Variants in SUSD6 observed in about 807,000 individuals in gnomAD.
SUSD6 encodes the protein sushi domain-containing protein 6.
A neutral mutation model predicts 28.4 loss-of-function variants in SUSD6; 16 were observed. The ratio of observed to expected loss-of-function variants is 0.56; its 90% confidence interval spans 0.38 to 0.86. The LOEUF (loss-of-function observed/expected upper bound fraction) is 0.86, where lower values mean the gene tolerates loss of function less well. Ranked by LOEUF, SUSD6 falls within the 40% of genes least tolerant of loss-of-function variation. SUSD6 has a pLI of 0.00. For missense variants in SUSD6, 341 were observed against 384.2 expected, an observed-to-expected ratio of 0.89 and a Z score of 0.94; for synonymous variants, 147 against 159.6, an observed-to-expected ratio of 0.92 and a Z score of 0.59.
intron 1 of SUSD6, among the ~76,000 whole-genome samples, chr14:69,629,841 G>A (rs150650908): frequency 6.3e-4 from 96 of 152,316 alleles, no homozygotes; most frequent in African/African-American, 2.2e-3. Flanking sequence ...GAAAATGATG[G>A]AGGCAGGTCT....
intron 2 of SUSD6, among the ~76,000 whole-genome samples, chr14:69,673,816 C>T (rs1885868968): frequency 1.3e-5 from 2 of 152,206 alleles, no homozygotes; most frequent in South Asian, 4.1e-4. Context: ...GGCCCTAGCA[C>T]TGCCTCTAAT....
At chr14:69,624,379 C>CCTG (rs1173701660) in intron 1 of SUSD6, among the ~76,000 whole-genome samples, 1 of 152,062 alleles carries the variant, frequency 6.6e-6, no homozygotes, top group East Asian at 1.9e-4. Context: ...TCAGAGTGAC[C>CCTG]CTGCTTCAGT....
chr14:69,686,564 G>T (rs956500092), intron 2 of SUSD6, among the ~76,000 whole-genome samples: 3 of 152,222 alleles, frequency 2.0e-5, no homozygotes, highest in Admixed American at 6.5e-5. Context: ...AAAAGAAAGA[G>T]ATTTAATTGG....
intron 2 of SUSD6, among the ~76,000 whole-genome samples, chr14:69,699,111 C>A (rs1367436794): frequency 1.3e-5 from 2 of 152,198 alleles, no homozygotes; most frequent in East Asian, 3.8e-4. Flanking sequence ...TCTTCCCAGG[C>A]ATCACTGAGA....
chr14:69,661,015 C>CAGGA (rs1885653911), intron 2 of SUSD6, among the ~76,000 whole-genome samples: 2 of 152,158 alleles, frequency 1.3e-5, no homozygotes, highest in Admixed American at 6.5e-5. Flanking sequence ...ACTGTCAGAG[C>CAGGA]AGGAAGGAAG....
rs1161958495 is a variant in SUSD6 at position 69,713,845 on chromosome 14, T to TTG, written c.*2867_*2868insGT. 2 of 150,942 alleles carry TTG rather than the reference T, an allele frequency of 1.3e-5. No homozygotes were observed. 9.4% of individuals were successfully genotyped at this position (150,942 alleles called of 1,614,324 possible). A position where few individuals can be genotyped will look rare whatever the true frequency, so the allele number is the denominator to read the frequency against. ...TTTGTTGTTGGTGTTTGTTTTTTTT[T>TTG]TTTTTTTTTTGGCACACTTGAGCTG... On this transcript the variant is annotated 3_prime_UTR_variant, in exon 6 of 6. Coordinates refer to ENST00000342745, the MANE Select transcript of SUSD6 (RefSeq NM_014734.4).
chr14:69,693,426 G>C (rs1018726610), intron 2 of SUSD6, among the ~76,000 whole-genome samples: 5 of 152,162 alleles, frequency 3.3e-5, no homozygotes, highest in African/African-American at 1.2e-4. Context: ...GTCGAGAACG[G>C]GAAGTGAAAA....
chr14:69,676,896 C>T (rs956568009), intron 2 of SUSD6, among the ~76,000 whole-genome samples: 5 of 152,218 alleles, frequency 3.3e-5, no homozygotes, highest in African/African-American at 1.2e-4. Flanking sequence ...GAGGCAGAAA[C>T]TGTTTGGTCA....
intron 2 of SUSD6, among the ~76,000 whole-genome samples, chr14:69,662,862 G>A (rs1885683234): frequency 6.6e-6 from 1 of 152,176 alleles, no homozygotes; most frequent in South Asian, 2.1e-4. Flanking sequence ...GTGTTGTGTA[G>A]ACTAATAAAA....
At chr14:69,642,577 C>G (rs558498320) in intron 1 of SUSD6, among the ~76,000 whole-genome samples, 1 of 152,250 alleles carries the variant, frequency 6.6e-6, no homozygotes, top group African/African-American at 2.4e-5. Context: ...CCCATCAGAT[C>G]TTGTGAGACT....
At chr14:69,644,589 G>A (rs567760343) in intron 1 of SUSD6, among the ~76,000 whole-genome samples, 1 of 151,928 alleles carries the variant, frequency 6.6e-6, no homozygotes, top group Admixed American at 6.6e-5. Context: ...GTTGCAGTGA[G>A]CCAAGATTAT....
chr14:69,614,278 G>C (rs1884926282), intron 1 of SUSD6, among the ~76,000 whole-genome samples: 1 of 152,172 alleles, frequency 6.6e-6, no homozygotes, highest in South Asian at 2.1e-4. Context: ...TGTTGGCTAG[G>C]CTGGTCTCGA....
At chr14:69,612,057 G>C (rs1230072769) in intron 1 of SUSD6, among the ~76,000 whole-genome samples, 1 of 150,428 alleles carries the variant, frequency 6.6e-6, no homozygotes, top group Non-Finnish European at 1.5e-5. Flanking sequence ...CAGCCGGCCA[G>C]CAGTGGGGGC....
chr14:69,691,520 C>G (rs1886152658), intron 2 of SUSD6, among the ~76,000 whole-genome samples: 2 of 152,118 alleles, frequency 1.3e-5, no homozygotes. Flanking sequence ...GTTGTCTAGG[C>G]CTTTGTGAGT....
chr14:69,659,327 ACTTAACCAT>A (rs1291940838), intron 2 of SUSD6, among the ~76,000 whole-genome samples: 1 of 152,208 alleles, frequency 6.6e-6, no homozygotes, highest in Non-Finnish European at 1.5e-5. Context: ...TGGGCAAGCG[ACTTAACCAT>A]TCTAGGGCTC....
chr14:69,651,712 G>A (rs557913980), intron 1 of SUSD6, among the ~76,000 whole-genome samples: 2 of 152,312 alleles, frequency 1.3e-5, no homozygotes, highest in African/African-American at 4.8e-5. Context: ...TTGGGGGGTA[G>A]GAGGCATTAA....
At chr14:69,665,674 A>G (rs1394254999) in intron 2 of SUSD6, among the ~76,000 whole-genome samples, 1 of 152,236 alleles carries the variant, frequency 6.6e-6, no homozygotes, top group Non-Finnish European at 1.5e-5. Flanking sequence ...TGCAGCTCTC[A>G]TGGAGCCACT....
intron 1 of SUSD6, among the ~76,000 whole-genome samples, chr14:69,622,454 T>A (rs957557321): frequency 6.6e-6 from 1 of 152,088 alleles, no homozygotes; most frequent in African/African-American, 2.4e-5. Flanking sequence ...AGGCATGAGC[T>A]ACCACCCCGG....
At chr14:69,641,488 A>AT (rs1219033800) in intron 1 of SUSD6, among the ~76,000 whole-genome samples, 2 of 151,536 alleles carry the variant, frequency 1.3e-5, no homozygotes, top group East Asian at 1.9e-4. Context: ...CAAATTTACT[A>AT]TTTTTTTCTT....
Sources: allele counts gnomAD v4.1 joint callset (sites outside exome capture counted in the v4.1 genomes callset), GRCh38; gene constraint gnomAD v4.1.1; transcripts MANE v1.5; gene names NCBI Gene and HGNC (gene_info 2026-07-23, HGNC 2026-07-21).